The following ZNF18 variants were observed in gnomAD, a reference collection of about 807,000 sequenced individuals.
ZNF18 encodes the protein zinc finger protein 18.
A neutral mutation model predicts 58.1 loss-of-function variants in ZNF18; 42 were observed. That is an observed-to-expected ratio of 0.72 (90% confidence interval 0.56 to 0.93). The LOEUF is 0.93. Ranked by LOEUF, ZNF18 falls within the 40% of genes least tolerant of loss-of-function variation. The pLI, the probability that ZNF18 is intolerant of heterozygous loss-of-function variation, is 0.00. For missense variants in ZNF18, 540 were observed against 644.2 expected (o/e 0.84, Z 1.75); for synonymous variants, 231 against 239.8 (o/e 0.96, Z 0.34).
chr17:12,005,653 G>A, the ZNF18 span, among the ~76,000 whole-genome samples: 3 of 152,208 alleles, frequency 2.0e-5, no homozygotes, highest in East Asian at 3.9e-4. Flanking sequence ...TTTAGAACCC[G>A]ACTTTAAAAC....
rs768107958 is a variant in ZNF18, at chr17:11,984,202, A to G, written c.667-5T>C. 7 of 109,514 alleles carry G rather than the reference A, an allele frequency of 6.4e-5. No individual in the cohort carries two copies. Among genetic ancestry groups the G allele is most frequent in the Admixed American group, 1.2e-4 (1 of 8,288 alleles). The allele number at this position is 109,514 out of a possible 1,614,324, so 6.8% of individuals were successfully genotyped here. On this transcript the variant is annotated splice_polypyrimidine_tract_variant and splice_region_variant and intron_variant, in intron 4 of 6. Transcript: ENST00000580306. ...ATCCAGTTGTCTCCACTGTTCCTGG[A>G]AAAAAAAAAAAAAAAGCAATACAAT... is the stretch of plus-strand genomic sequence containing the variant.
chr17:12,005,397 A>T, the ZNF18 span, among the ~76,000 whole-genome samples: 11 of 152,188 alleles, frequency 7.2e-5, no homozygotes, highest in African/African-American at 2.7e-4. Context: ...CCCATCGGTA[A>T]AAATTATGAA....
the ZNF18 span, among the ~76,000 whole-genome samples, chr17:12,004,088 G>A: frequency 2.6e-5 from 4 of 152,040 alleles, no homozygotes; most frequent in Non-Finnish European, 4.4e-5. Flanking sequence ...AAAATTAGCC[G>A]GGTGCAGTGG....
At chr17:11,982,657 A>AGAGT (rs1967436276) in intron 6 of ZNF18, among the ~76,000 whole-genome samples, 1 of 136,720 alleles carries the variant, frequency 7.3e-6, no homozygotes, top group Non-Finnish European at 1.6e-5. Flanking sequence ...TATATATAAA[A>AGAGT]GTGTGTGTGT....
intron 6 of ZNF18, among the ~76,000 whole-genome samples, chr17:11,979,365 TAG>T (rs1967197300): frequency 6.6e-6 from 1 of 152,248 alleles, no homozygotes; most frequent in South Asian, 2.1e-4. Context: ...CAATGTAATA[TAG>T]AGTCTCCCTC....
the ZNF18 span, among the ~76,000 whole-genome samples, chr17:12,007,027 GTTTTA>G: frequency 9.9e-5 from 15 of 152,210 alleles, no homozygotes; most frequent in Admixed American, 3.9e-4. Context: ...AATGTTTACT[GTTTTA>G]TTTTATTTTG....
the ZNF18 span, among the ~76,000 whole-genome samples, chr17:12,018,233 A>T: frequency 3.9e-5 from 6 of 152,240 alleles, no homozygotes; most frequent in Non-Finnish European, 8.8e-5. Context: ...TATGCCAGCT[A>T]CCACCATTAT....
intron 2 of ZNF18, 152 bp from the exon 3 acceptor site, chr17:11,991,315 C>G (rs1968113581): frequency 1.3e-6 from 1 of 773,156 alleles, no homozygotes; most frequent in Non-Finnish European, 2.0e-6. Flanking sequence ...CCAGCAGGAA[C>G]CAGGGAAAGA....
the ZNF18 span, chr17:12,020,939 G>GCGGCAC: frequency 1.5e-5 from 18 of 1,216,382 alleles, no homozygotes; most frequent in Non-Finnish European, 1.7e-5. Context: ...GGCAGCGGCA[G>GCGGCAC]CGGCACCCCC....
At chr17:12,003,011 G>A in the ZNF18 span, among the ~76,000 whole-genome samples, 1 of 152,206 alleles carries the variant, frequency 6.6e-6, no homozygotes, top group Non-Finnish European at 1.5e-5. Context: ...AGCAAAGAGT[G>A]ATTTAACTCA....
At chr17:12,015,432 T>A in the ZNF18 span, among the ~76,000 whole-genome samples, 6 of 152,234 alleles carry the variant, frequency 3.9e-5, no homozygotes, top group Admixed American at 3.9e-4. Context: ...AATTCAGACT[T>A]AGTTGTTAGA....
At chr17:11,983,513 C>T in intron 5 of ZNF18, 106 bp from the exon 6 acceptor site, 1 of 809,002 alleles carries the variant, frequency 1.2e-6, no homozygotes, top group African/African-American at 1.7e-5. Flanking sequence ...AATATGAAGG[C>T]TCTGGACACT....
At chr17:12,006,980 A>G in the ZNF18 span, among the ~76,000 whole-genome samples, 2 of 152,220 alleles carry the variant, frequency 1.3e-5, no homozygotes, top group Admixed American at 1.3e-4. Flanking sequence ...TCATAGAGAT[A>G]GCTAACTACC....
chr17:11,981,152 TC>T (rs1368109268), intron 6 of ZNF18, among the ~76,000 whole-genome samples: 1 of 152,076 alleles, frequency 6.6e-6, no homozygotes, highest in African/African-American at 2.4e-5. Context: ...ACCAGGCCTT[TC>T]CCATTTGGTT....
chr17:12,021,346 T>G, the ZNF18 span: 1 of 160,192 alleles, frequency 6.2e-6, no homozygotes, highest in Non-Finnish European at 1.4e-5. Flanking sequence ...GGCCCCCGTT[T>G]CCGGGAACGC....
intron 4 of ZNF18, among the ~76,000 whole-genome samples, chr17:11,987,280 C>A (rs1409255868): frequency 1.3e-5 from 2 of 152,092 alleles, no homozygotes; most frequent in Non-Finnish European, 2.9e-5. Flanking sequence ...AGGTTCCAAC[C>A]GAGTCATGGT....
At chr17:11,987,638 T>C (rs904025135) in intron 4 of ZNF18, among the ~76,000 whole-genome samples, 4 of 152,186 alleles carry the variant, frequency 2.6e-5, no homozygotes, top group Non-Finnish European at 4.4e-5. Flanking sequence ...TCTTTTGACT[T>C]TAAGTTATCC....
the ZNF18 span, chr17:12,011,048 G>A: frequency 2.7e-6 from 2 of 745,146 alleles, no homozygotes; most frequent in Non-Finnish European, 4.9e-6. Flanking sequence ...TTCCAGTTTA[G>A]CCATGGTGAC....
intron 6 of ZNF18, among the ~76,000 whole-genome samples, chr17:11,979,206 C>T (rs1967188193): frequency 1.3e-5 from 2 of 151,548 alleles, no homozygotes; most frequent in Admixed American, 6.6e-5. Flanking sequence ...CCAGAGATAA[C>T]AACTATGAGC....
Sources: gnomAD v4.1 joint callset for allele counts (sites outside exome capture counted in the v4.1 genomes callset) on GRCh38, gnomAD v4.1.1 for gene constraint, MANE v1.5 for transcripts, NCBI Gene and HGNC (gene_info 2026-07-23, HGNC 2026-07-21) for gene names.